CBFA2T2: variants seen among roughly 807,000 people sequenced by gnomAD.
The protein encoded by CBFA2T2 is protein CBFA2T2.
A neutral mutation model predicts 62.2 loss-of-function variants in CBFA2T2; 11 were observed. That is an observed-to-expected ratio of 0.18 (90% confidence interval 0.11 to 0.29). CBFA2T2 has a LOEUF of 0.29. CBFA2T2 is among the 10% of genes least tolerant of loss of function. The probability of loss-of-function intolerance (pLI) is 1.00; values close to 1 mark genes in which losing one functional copy is unlikely to be tolerated. For missense variants in CBFA2T2, 592 were observed against 774.1 expected, an observed-to-expected ratio of 0.76 and a Z score of 2.79; for synonymous variants, 295 against 287.5, an observed-to-expected ratio of 1.03 and a Z score of -0.27.
chr20:33,501,703 G>A (rs748725927), intron 1 of CBFA2T2, among the ~76,000 whole-genome samples: 4 of 137,448 alleles, frequency 2.9e-5, no homozygotes, highest in Non-Finnish European at 6.0e-5. Context: ...GCAGTGGTGC[G>A]ATCTCGGCTC....
At position 33,603,054 on chromosome 20, in the gene CBFA2T2, T is replaced by C. The variant is rs147735283; in HGVS notation, c.35-3902T>C. Among the ~76,000 whole-genome samples, 175 of 152,326 alleles carry C rather than the reference T, an allele frequency of 1.1e-3. 1 individual carries two copies. The East Asian group carries it at 0.026, about 23-fold the overall frequency. On this transcript the variant is annotated intron_variant, in intron 1 of 10. Transcript: ENST00000342704. ...AGTACGGTGCTCAATTTAAAACTTA[T>C]GAATTGTTTATTTCTGAAATTTTCC...
chr20:33,540,127 C>T (rs1033355006), intron 1 of CBFA2T2, among the ~76,000 whole-genome samples: 2 of 152,128 alleles, frequency 1.3e-5, no homozygotes, highest in African/African-American at 4.8e-5. Flanking sequence ...AGGAGGGTTG[C>T]TCATAAAACA....
chr20:33,608,347 A>G (rs2015410888), intron 2 of CBFA2T2, among the ~76,000 whole-genome samples: 2 of 152,216 alleles, frequency 1.3e-5, no homozygotes, highest in Admixed American at 1.3e-4. Context: ...TGCTGTATGT[A>G]TTGTTTCATT....
chr20:33,530,453 C>T (rs1331484223), intron 1 of CBFA2T2, among the ~76,000 whole-genome samples: 3 of 151,624 alleles, frequency 2.0e-5, no homozygotes, highest in Admixed American at 1.3e-4. Context: ...AGTCTCACTC[C>T]GTTGCCCAGG....
intron 1 of CBFA2T2, among the ~76,000 whole-genome samples, chr20:33,534,466 C>G (rs550181256): frequency 6.6e-6 from 1 of 152,098 alleles, no homozygotes; most frequent in Non-Finnish European, 1.5e-5. Context: ...GCACGCGCCA[C>G]CACGCCCGGC....
chr20:33,503,338 T>C (rs2011331567), intron 1 of CBFA2T2, among the ~76,000 whole-genome samples: 1 of 135,208 alleles, frequency 7.4e-6, no homozygotes, highest in Non-Finnish European at 1.5e-5. Flanking sequence ...CACTGCAACC[T>C]CTGCCTCCCG....
intron 1 of CBFA2T2, among the ~76,000 whole-genome samples, chr20:33,531,559 TG>T (rs748424981): frequency 6.6e-6 from 1 of 152,244 alleles, no homozygotes; most frequent in Non-Finnish European, 1.5e-5. Flanking sequence ...ATAATTTCTG[TG>T]GTCACACTGG....
intron 1 of CBFA2T2, among the ~76,000 whole-genome samples, chr20:33,517,743 C>G (rs2011628027): frequency 6.7e-6 from 1 of 149,266 alleles, no homozygotes; most frequent in South Asian, 2.1e-4. Flanking sequence ...CCTCCCGGTT[C>G]AAGCAATTCT....
chr20:33,563,715 T>A (rs2013177195), intron 1 of CBFA2T2, among the ~76,000 whole-genome samples: 1 of 152,126 alleles, frequency 6.6e-6, no homozygotes, highest in Non-Finnish European at 1.5e-5. Flanking sequence ...ATTGGGGAAA[T>A]TTGTCTGGCA....
intron 3 of CBFA2T2, chr20:33,618,541 A>G (rs1601076773): frequency 6.6e-6 from 1 of 152,180 alleles, no homozygotes; most frequent in Non-Finnish European, 1.5e-5. Flanking sequence ...TAACTTACCA[A>G]TGGGGGTTTG....
At chr20:33,533,541 ATT>A (rs2012118157) in intron 1 of CBFA2T2, among the ~76,000 whole-genome samples, 1 of 152,032 alleles carries the variant, frequency 6.6e-6, no homozygotes, top group Non-Finnish European at 1.5e-5. Flanking sequence ...GATATATCAC[ATT>A]TGTTTATTTG....
chr20:33,492,174 G>A (rs1336642679), intron 1 of CBFA2T2, among the ~76,000 whole-genome samples: 3 of 151,844 alleles, frequency 2.0e-5, no homozygotes, highest in East Asian at 1.9e-4. Context: ...GAGCCACTGC[G>A]CCCGGCCTTA....
intron 1 of CBFA2T2, among the ~76,000 whole-genome samples, chr20:33,493,982 C>G (rs1335408123): frequency 6.6e-6 from 1 of 150,884 alleles, no homozygotes; most frequent in Admixed American, 6.6e-5. Flanking sequence ...CTCCTGAATT[C>G]AAGTGATTGT....
intron 10 of CBFA2T2, among the ~76,000 whole-genome samples, chr20:33,643,570 CAG>C (rs1568876364): frequency 6.6e-6 from 1 of 151,374 alleles, no homozygotes; most frequent in Non-Finnish European, 1.5e-5. Context: ...AAAAACAAAA[CAG>C]CAGCAGCAGC....
At chr20:33,609,758 T>C (rs879511671) in intron 2 of CBFA2T2, among the ~76,000 whole-genome samples, 10 of 152,150 alleles carry the variant, frequency 6.6e-5, no homozygotes, top group Non-Finnish European at 1.2e-4. Context: ...AGTGGAAGAT[T>C]TTTTATGATT....
chr20:33,605,471 T>C (rs1017639381), intron 1 of CBFA2T2, among the ~76,000 whole-genome samples: 1 of 152,228 alleles, frequency 6.6e-6, no homozygotes, highest in Non-Finnish European at 1.5e-5. Flanking sequence ...ACAAGTTCTC[T>C]TTGATAGGGA....
At chr20:33,597,507 C>G (rs139084452) in intron 1 of CBFA2T2, among the ~76,000 whole-genome samples, 1 of 152,154 alleles carries the variant, frequency 6.6e-6, no homozygotes, top group Non-Finnish European at 1.5e-5. Flanking sequence ...AGTGCATTAC[C>G]GCCTGACCTC....
intron 2 of CBFA2T2, among the ~76,000 whole-genome samples, chr20:33,609,809 T>C (rs1390527138): frequency 6.6e-6 from 1 of 152,254 alleles, no homozygotes; most frequent in Non-Finnish European, 1.5e-5. Context: ...AATGTCTTTT[T>C]TCTAAGCTAG....
Position 33,646,851 on chromosome 20 carries a change from ACT to A in CBFA2T2, c.*2208_*2209del, listed in dbSNP as rs2017066936. The A allele has an allele frequency of 1.4e-5, 2 of 143,106 alleles. No individual in the cohort carries two copies. The highest frequency in any genetic ancestry group is 2.3e-4 in the South Asian group (1 of 4,278). The allele number at this position is 143,106 out of a possible 1,614,324, so 8.9% of individuals were successfully genotyped here. ...ACTCCAGCCTGGGCAACAGAGCAAA[ACT>A]CTGTCTCAAAAAAAAAAAAAAAAAG... On this transcript the variant is annotated 3_prime_UTR_variant, in exon 11 of 11. Transcript: ENST00000342704.
Sources: allele counts gnomAD v4.1 joint callset (sites outside exome capture counted in the v4.1 genomes callset), GRCh38; gene constraint gnomAD v4.1.1; transcripts MANE v1.5; gene names NCBI Gene and HGNC (gene_info 2026-07-23, HGNC 2026-07-21).